FBXL13: variants seen among roughly 807,000 people sequenced by gnomAD.
FBXL13 encodes the protein F-box and leucine rich repeat protein 13.
FBXL13 carries 67 observed loss-of-function variants against 83.6 expected under a neutral mutation model. That is an observed-to-expected ratio of 0.80 (90% CI 0.66 to 0.98). FBXL13 has a LOEUF of 0.98. Among genes scored for constraint, FBXL13 ranks in the 50% least tolerant of loss-of-function variants. The probability of loss-of-function intolerance (pLI) is 0.00; values close to 1 mark genes in which losing one functional copy is unlikely to be tolerated. For synonymous variants in FBXL13, 272 were observed against 299.5 expected (o/e 0.91, Z 0.95); for missense variants, 822 against 866.5 (o/e 0.95, Z 0.64).
intron 8 of FBXL13, among the ~76,000 whole-genome samples, chr7:102,938,530 A>C (rs1432880490): frequency 6.6e-6 from 1 of 152,188 alleles, no homozygotes; most frequent in South Asian, 2.1e-4. Context: ...GCAAGCTTGT[A>C]AGGGGTAATA....
chr7:102,837,564 T>G (rs1291286771), intron 17 of FBXL13, among the ~76,000 whole-genome samples: 1 of 152,210 alleles, frequency 6.6e-6, no homozygotes, highest in East Asian at 1.9e-4. Context: ...TTATAAGCTT[T>G]TCTTTCTTTT....
At chr7:102,869,821 G>C (rs1808291166) in intron 16 of FBXL13, among the ~76,000 whole-genome samples, 1 of 152,106 alleles carries the variant, frequency 6.6e-6, no homozygotes, top group Non-Finnish European at 1.5e-5. Flanking sequence ...TCTCTATTCT[G>C]TTCCACTGGT....
At chr7:102,850,394 A>G (rs1478174626) in intron 17 of FBXL13, among the ~76,000 whole-genome samples, 1 of 152,188 alleles carries the variant, frequency 6.6e-6, no homozygotes, top group African/African-American at 2.4e-5. Flanking sequence ...TGTCATCACC[A>G]TGGTAGGTTT....
chr7:102,969,918 T>C (rs1039449708), intron 6 of FBXL13, among the ~76,000 whole-genome samples: 1 of 151,604 alleles, frequency 6.6e-6, no homozygotes, highest in Non-Finnish European at 1.5e-5. Context: ...AAATCAACCA[T>C]ACTGGCAAAA....
intron 1 of FBXL13, among the ~76,000 whole-genome samples, chr7:103,068,979 C>T (rs1798654732): frequency 6.6e-6 from 1 of 152,220 alleles, no homozygotes; most frequent in Admixed American, 6.5e-5. Flanking sequence ...AAGTAAGGAG[C>T]ACCTCTGCCC....
Position 102,851,486 on chromosome 7 carries a change from CCTT to C in FBXL13, c.1719+3288_1719+3290del, listed in dbSNP as rs1236230424. ...CTCCCTCCCTTCCTTTCTTCCCTTT[CCTT>C]CTTCTCCTTCTCCTTCTTCTTTTCT... is the stretch of plus-strand genomic sequence containing the variant. On this transcript the variant is annotated intron_variant, in intron 17 of 19. Coordinates refer to ENST00000313221, the Ensembl canonical transcript of FBXL13. 2.1e-5 allele frequency among the ~76,000 whole-genome samples: 3 copies of C among 140,774 alleles called. No individual in the cohort carries two copies. In the Admixed American group the frequency reaches 2.2e-4, roughly 10 times the overall value. The allele number at this position is 140,774 out of a possible 152,430, so 92.4% of individuals were successfully genotyped here.
rs190362686 is a variant in FBXL13 at position 102,890,930 on chromosome 7, G to C, written c.1009-6618C>G. Among the ~76,000 whole-genome samples the C allele has an allele frequency of 2.0e-5, 3 of 152,312 alleles. No homozygotes were observed. The East Asian group carries it at 5.8e-4, about 29-fold the overall frequency. ...GCATCCAATGACTAATAGGTAGTGT[G>C]ATGACTTTAGTAATATCCATATATT... On this transcript the variant is annotated intron_variant, in intron 11 of 19. Coordinates refer to ENST00000313221, the Ensembl canonical transcript of FBXL13.
intron 2 of FBXL13, among the ~76,000 whole-genome samples, chr7:103,037,153 TTTAC>T (rs989176250): frequency 5.3e-5 from 8 of 152,208 alleles, no homozygotes; most frequent in African/African-American, 1.2e-4. Flanking sequence ...ACTTCCACAC[TTTAC>T]TTAATGTTTT....
chr7:102,969,461 C>T (rs185451321), intron 6 of FBXL13, among the ~76,000 whole-genome samples: 83 of 150,424 alleles, frequency 5.5e-4, no homozygotes, highest in African/African-American at 1.8e-3. Context: ...TTAAGCAATG[C>T]GTGACTGTAA....
intron 18 of FBXL13, among the ~76,000 whole-genome samples, chr7:102,825,722 G>A (rs1241362680): frequency 6.6e-6 from 1 of 152,160 alleles, no homozygotes; most frequent in African/African-American, 2.4e-5. Flanking sequence ...ATAAAAAAAT[G>A]TGCAATTTGG....
At chr7:103,065,090 T>C (rs746603572) in intron 1 of FBXL13, among the ~76,000 whole-genome samples, 9 of 152,340 alleles carry the variant, frequency 5.9e-5, no homozygotes, top group East Asian at 3.9e-4. Context: ...CAATAGATAA[T>C]TGACACACCA....
chr7:103,033,645 G>A (rs909019067), intron 2 of FBXL13, among the ~76,000 whole-genome samples: 3 of 152,090 alleles, frequency 2.0e-5, no homozygotes, highest in Non-Finnish European at 4.4e-5. Flanking sequence ...GGTCTTGTTG[G>A]CTTCAGGAGT....
downstream of FBXL13, among the ~76,000 whole-genome samples, chr7:102,811,276 G>A (rs1265301228): frequency 6.6e-6 from 1 of 152,110 alleles, no homozygotes; most frequent in Non-Finnish European, 1.5e-5. Context: ...CAGACAAAAA[G>A]AAAAAGCTGC....
intron 8 of FBXL13, chr7:102,944,596 A>G (rs997910860): frequency 2.5e-6 from 4 of 1,599,574 alleles, no homozygotes; most frequent in Admixed American, 1.8e-5. Context: ...AATAATTACT[A>G]TAGTAGGATA....
chr7:102,947,042 C>T (rs975500984), intron 8 of FBXL13, among the ~76,000 whole-genome samples: 1 of 152,198 alleles, frequency 6.6e-6, no homozygotes, highest in East Asian at 1.9e-4. Context: ...AGAGACGTTA[C>T]TTCTCCATGC....
intron 8 of FBXL13, among the ~76,000 whole-genome samples, chr7:102,961,659 C>T (rs1450000166): frequency 2.0e-5 from 3 of 151,724 alleles, no homozygotes; most frequent in African/African-American, 7.3e-5. Context: ...TGGAACAGAA[C>T]AGAGCCCTCA....
chr7:103,033,150 G>T (rs1794683894), intron 2 of FBXL13, among the ~76,000 whole-genome samples: 1 of 152,052 alleles, frequency 6.6e-6, no homozygotes, highest in Non-Finnish European at 1.5e-5. Context: ...GACTAAGAAA[G>T]GTTTTTTTGT....
intron 6 of FBXL13, among the ~76,000 whole-genome samples, chr7:102,970,022 G>A (rs1156629418): frequency 2.0e-5 from 3 of 151,884 alleles, no homozygotes; most frequent in Admixed American, 6.6e-5. Flanking sequence ...AGGCTGAGGT[G>A]GGAGGCTTGC....
intron 18 of FBXL13, among the ~76,000 whole-genome samples, chr7:102,822,678 C>T (rs143100672): frequency 2.6e-5 from 4 of 152,294 alleles, no homozygotes; most frequent in African/African-American, 9.6e-5. Flanking sequence ...TCTCTTTCAC[C>T]CAGCTTGTCA....
Sources: allele counts gnomAD v4.1 joint callset (sites outside exome capture counted in the v4.1 genomes callset), GRCh38; gene constraint gnomAD v4.1.1; transcripts MANE v1.5; gene names NCBI Gene and HGNC (gene_info 2026-07-23, HGNC 2026-07-21).